TDRP: variants seen among roughly 807,000 people sequenced by gnomAD.
TDRP encodes testis development related protein.
TDRP carries 12 observed loss-of-function variants against 10.5 expected under a neutral mutation model. That is an observed-to-expected ratio of 1.15 (90% CI 0.73 to 1.86). TDRP has a LOEUF of 1.86. Ranked by LOEUF, TDRP falls within the 40% of genes most tolerant of loss-of-function variation. TDRP has a pLI of 0.00. For synonymous variants in TDRP, 139 were observed against 95.4 expected, an observed-to-expected ratio of 1.46 and a Z score of -2.67; for missense variants, 353 against 229.2, an observed-to-expected ratio of 1.54 and a Z score of -3.49.
At chr8:531,021 G>C (rs752241630) in intron 1 of TDRP, among the ~76,000 whole-genome samples, 1 of 152,140 alleles carries the variant, frequency 6.6e-6, no homozygotes, top group Non-Finnish European at 1.5e-5. Flanking sequence ...CACTGAGTCA[G>C]GAGAGACAGA....
chr8:534,471 C>T (rs1424688368), intron 1 of TDRP, among the ~76,000 whole-genome samples: 3 of 152,164 alleles, frequency 2.0e-5, no homozygotes, highest in Non-Finnish European at 4.4e-5. Context: ...AGCCACCAGC[C>T]CTGTAACTCA....
intron 1 of TDRP, among the ~76,000 whole-genome samples, chr8:536,383 GC>G (rs1376118063): frequency 6.6e-6 from 1 of 152,228 alleles, no homozygotes. Flanking sequence ...CTGAAATAGG[GC>G]TAGTCAAACT....
intron 1 of TDRP, among the ~76,000 whole-genome samples, chr8:513,659 T>C (rs1801676378): frequency 6.6e-6 from 1 of 152,158 alleles, no homozygotes; most frequent in East Asian, 1.9e-4. Context: ...CCACAGCAAT[T>C]AGACAAGAAA....
intron 1 of TDRP, among the ~76,000 whole-genome samples, chr8:526,415 A>C (rs1242485009): frequency 6.6e-6 from 1 of 152,122 alleles, no homozygotes; most frequent in Non-Finnish European, 1.5e-5. Context: ...GAGCGTTCTT[A>C]TTATGAAGAG....
rs533850699 is a variant in TDRP, at chr8:493,791, TTTTGG to T, written c.212+698_212+702del. ...TTTGGTGGTGGTTGTTTTTGTTTTG[TTTTGG>T]TTTGGTTTTTTTCTGAAACTACTAA... On this transcript the variant is annotated intron_variant, in intron 2 of 2. Coordinates refer to ENST00000324079, the MANE Select transcript of TDRP (RefSeq NM_001384899.1). Among the ~76,000 whole-genome samples the T allele has an allele frequency of 2.0e-4, 31 of 152,302 alleles. No individual in the cohort carries two copies. In the South Asian group the frequency reaches 3.5e-3, roughly 17 times the overall value.
chr8:504,580 G>A (rs1312780383), intron 1 of TDRP, among the ~76,000 whole-genome samples: 2 of 152,226 alleles, frequency 1.3e-5, no homozygotes, highest in African/African-American at 2.4e-5. Flanking sequence ...TTCGCAGACA[G>A]TGCAAACCGT....
At chr8:503,965 C>T (rs906055342) in intron 1 of TDRP, among the ~76,000 whole-genome samples, 1 of 148,838 alleles carries the variant, frequency 6.7e-6, no homozygotes, top group African/African-American at 2.5e-5. Flanking sequence ...CCCACCTCAG[C>T]ACAAGTCAAC....
intron 1 of TDRP, among the ~76,000 whole-genome samples, chr8:495,280 C>T (rs1801094064): frequency 6.6e-6 from 1 of 152,106 alleles, no homozygotes; most frequent in Non-Finnish European, 1.5e-5. Context: ...GGAGACTGAC[C>T]TTTGAGAAGG....
At chr8:514,319 G>C (rs1477830506) in intron 1 of TDRP, among the ~76,000 whole-genome samples, 1 of 152,192 alleles carries the variant, frequency 6.6e-6, no homozygotes, top group Admixed American at 6.5e-5. Flanking sequence ...AAGGTCAATT[G>C]ATTTTCAAGA....
rs981451024 is a variant in TDRP, at chr8:491,043, A to G, written c.*1356T>C. ...TGCAAAAGTAATTGCTGTTTTTTGC[A>G]TAACAGATGACAGATCAAGTAAACC... On this transcript the variant is annotated 3_prime_UTR_variant, in exon 3 of 3. Transcript: ENST00000324079. 1 of 152,254 alleles carries G rather than the reference A, an allele frequency of 6.6e-6. No individual in the cohort carries two copies. Among genetic ancestry groups the G allele is most frequent in the African/African-American group, 2.4e-5 (1 of 41,466 alleles). 9.4% of individuals were successfully genotyped at this position (152,254 alleles called of 1,614,324 possible).
intron 1 of TDRP, among the ~76,000 whole-genome samples, chr8:544,247 C>T (rs1288816092): frequency 6.6e-6 from 1 of 152,114 alleles, no homozygotes; most frequent in Non-Finnish European, 1.5e-5. Context: ...GGGACGCGAG[C>T]ACCCGGCGTG....
At chr8:517,049 G>C (rs1801775042) in intron 1 of TDRP, among the ~76,000 whole-genome samples, 1 of 152,146 alleles carries the variant, frequency 6.6e-6, no homozygotes, top group Non-Finnish European at 1.5e-5. Flanking sequence ...AGAAAAACTA[G>C]TTCAGGCCGT....
chr8:531,216 G>C (rs1245947630), intron 1 of TDRP, among the ~76,000 whole-genome samples: 2 of 152,052 alleles, frequency 1.3e-5, no homozygotes, highest in Non-Finnish European at 2.9e-5. Flanking sequence ...TTGGCTTTGA[G>C]CTTGCCTGGG....
chr8:492,342 A>C lies in TDRP; in HGVS notation c.*57T>G, dbSNP rs1801001248. ...CTAACGCGGAAAAGACTCAACAACT[A>C]CATGGTATACTCATAAAAGGCCACC... On this transcript the variant is annotated 3_prime_UTR_variant, in exon 3 of 3. Coordinates refer to ENST00000324079, the MANE Select transcript of TDRP (RefSeq NM_001384899.1). 4.2e-6 allele frequency: 6 copies of C among 1,425,836 alleles called. No homozygotes were observed. Among genetic ancestry groups the C allele is most frequent in the Non-Finnish European group, 5.5e-6 (6 of 1,086,202 alleles). 88.3% of individuals were successfully genotyped at this position (1,425,836 alleles called of 1,614,324 possible). A position where few individuals can be genotyped will look rare whatever the true frequency, so the allele number is the denominator to read the frequency against.
At position 521,365 on chromosome 8, in the gene TDRP, C is replaced by A. The variant is rs576300959; in HGVS notation, c.108+23285G>T. Among the ~76,000 whole-genome samples the A allele has an allele frequency of 1.8e-4, 27 of 151,782 alleles. No individual in the cohort carries two copies. In the South Asian group the frequency reaches 2.5e-3, roughly 14 times the overall value. ...CCGGGAGGCGGGGCTTACAGTGAGC[C>A]GAGCTCACACCACTGCACTCCAGCC... On this transcript the variant is annotated intron_variant, in intron 1 of 2. Transcript: ENST00000324079.
chr8:542,388 C>G (rs1288619876), intron 1 of TDRP, among the ~76,000 whole-genome samples: 2 of 151,936 alleles, frequency 1.3e-5, no homozygotes, highest in Non-Finnish European at 2.9e-5. Flanking sequence ...GACCATGAGC[C>G]CGTGTAGGTC....
intron 1 of TDRP, among the ~76,000 whole-genome samples, chr8:514,678 C>T (rs924738895): frequency 1.2e-4 from 18 of 152,188 alleles, no homozygotes; most frequent in African/African-American, 4.3e-4. Context: ...CTCTCCACTA[C>T]CAGTCACCTC....
At position 541,951 on chromosome 8, in the gene TDRP, G is replaced by A. The variant is rs1466082082; in HGVS notation, c.108+2699C>T. ...ATTCACACAAAAACCTGCACCTGAT[G>A]TTTACAGCTGGTCTATGAATAAACT... On this transcript the variant is annotated intron_variant, in intron 1 of 2. Transcript: ENST00000324079. 4.6e-5 allele frequency among the ~76,000 whole-genome samples: 7 copies of A among 152,172 alleles called. No homozygotes were observed. The South Asian group carries it at 1.5e-3, about 32-fold the overall frequency.
intron 2 of TDRP, among the ~76,000 whole-genome samples, chr8:493,096 GAAAC>G (rs1347052961): frequency 6.6e-6 from 1 of 152,142 alleles, no homozygotes; most frequent in African/African-American, 2.4e-5. Flanking sequence ...TCTAGATTAA[GAAAC>G]AAGGGAAATC....
Sources: allele counts gnomAD v4.1 joint callset (sites outside exome capture counted in the v4.1 genomes callset), GRCh38; gene constraint gnomAD v4.1.1; transcripts MANE v1.5; gene names NCBI Gene and HGNC (gene_info 2026-07-23, HGNC 2026-07-21).